Variants in GNA14 observed in about 807,000 individuals in gnomAD.
GNA14 encodes G protein subunit alpha 14.
In GNA14, 50 loss-of-function variants were observed where a neutral mutation model predicts 42.0. That is an observed-to-expected ratio of 1.19 (90% CI 0.95 to 1.51). The LOEUF (loss-of-function observed/expected upper bound fraction) is 1.51. GNA14 is among the 40% of genes most tolerant of loss of function. The pLI, the probability that GNA14 is intolerant of heterozygous loss-of-function variation, is 0.00. For missense variants in GNA14, 473 were observed against 446.2 expected (o/e 1.06, Z -0.54); for synonymous variants, 173 against 163.1 (o/e 1.06, Z -0.46).
At chr9:77,565,334 A>G (rs1376580566) in intron 1 of GNA14, among the ~76,000 whole-genome samples, 1 of 152,224 alleles carries the variant, frequency 6.6e-6, no homozygotes, top group East Asian at 1.9e-4. Context: ...ACTAGGGGGA[A>G]AATAATGTAA....
Position 77,647,735 on chromosome 9 carries a change from T to G in GNA14, c.59A>C (p.Glu20Ala). 6.2e-7 allele frequency: 1 copy of G among 1,609,890 alleles called. No homozygotes were observed. Among genetic ancestry groups the G allele is most frequent in the Non-Finnish European group, 8.5e-7 (1 of 1,178,564 alleles). ...GTCCCGACGAAGCTGTCGCTCGATC[T>G]CCGCGCTGATGCGCTGCGACTCCTT... ...EEKESQRISA[E>A]IERQLRRDKK... The change falls in exon 1 of 7, where the codon GAG (glutamate) becomes GCG (alanine). Residue 20 changes from glutamate (E) to alanine (A), a missense_variant. Transcript: ENST00000341700.
chr9:77,536,455 A>C (rs1837600233), intron 1 of GNA14, among the ~76,000 whole-genome samples: 16 of 152,140 alleles, frequency 1.1e-4, no homozygotes, highest in Admixed American at 1.0e-3. Context: ...GGTTCAAGCA[A>C]TTCTTCTGCC....
At chr9:77,472,260 T>C (rs1163015708) in intron 2 of GNA14, among the ~76,000 whole-genome samples, 1 of 152,198 alleles carries the variant, frequency 6.6e-6, no homozygotes, top group Non-Finnish European at 1.5e-5. Flanking sequence ...TGTTTTAACA[T>C]GTCATCAGGG....
At chr9:77,623,292 T>C (rs1823962303) in intron 1 of GNA14, among the ~76,000 whole-genome samples, 1 of 82,858 alleles carries the variant, frequency 1.2e-5, no homozygotes, top group South Asian at 4.2e-4. Flanking sequence ...TGGTAAAAAC[T>C]GGAATAAAAA....
chr9:77,622,349 C>T (rs746535785), intron 1 of GNA14, among the ~76,000 whole-genome samples: 23 of 152,046 alleles, frequency 1.5e-4, no homozygotes, highest in Non-Finnish European at 3.1e-4. Context: ...AAATATTGGT[C>T]GTGAGGCAGC....
chr9:77,501,942 C>A (rs78010932), intron 2 of GNA14, among the ~76,000 whole-genome samples: 11 of 151,834 alleles, frequency 7.2e-5, no homozygotes, highest in Non-Finnish European at 1.5e-4. Flanking sequence ...CTCTTGACTT[C>A]GTGATCCACC....
At chr9:77,473,597 A>G (rs998925099) in intron 2 of GNA14, among the ~76,000 whole-genome samples, 1 of 151,650 alleles carries the variant, frequency 6.6e-6, no homozygotes, top group Non-Finnish European at 1.5e-5. Context: ...AATCTCTATT[A>G]AAATTTCACC....
In GNA14 at chr9:77,466,975, A is replaced by G. The variant is rs77229040; in HGVS notation, c.310-32453T>C. Among the ~76,000 whole-genome samples the G allele has an allele frequency of 6.7e-3, 991 of 147,928 alleles. 13 individuals carry two copies. The highest frequency in any genetic ancestry group is 0.024 in the African/African-American group (934 of 39,478). On this transcript the variant is annotated intron_variant, in intron 2 of 6. Transcript: ENST00000341700. ...TGTGCTTAAGCCCTCTCAGCCAGTT[A>G]GGGTTTTTTTGCCTTTTACCACTCG...
intron 1 of GNA14, among the ~76,000 whole-genome samples, chr9:77,613,745 G>A (rs1412855471): frequency 6.6e-6 from 1 of 152,176 alleles, no homozygotes; most frequent in African/African-American, 2.4e-5. Context: ...TTATTCATGA[G>A]CTAATCTTGT....
chr9:77,506,626 G>A (rs549199402), intron 2 of GNA14, among the ~76,000 whole-genome samples: 3 of 152,078 alleles, frequency 2.0e-5, no homozygotes, highest in Non-Finnish European at 1.5e-5. Flanking sequence ...GCAGTGAGCC[G>A]AGATCAGGCC....
At chr9:77,548,930 C>A (rs753871991) in intron 1 of GNA14, among the ~76,000 whole-genome samples, 1 of 151,938 alleles carries the variant, frequency 6.6e-6, no homozygotes, top group South Asian at 2.1e-4. Flanking sequence ...AATGAGAAAG[C>A]CTTTCTTTTT....
At position 77,495,918 on chromosome 9, in the gene GNA14, C is replaced by T. The variant is rs190609210; in HGVS notation, c.309+33151G>A. The stretch of plus-strand genomic sequence containing the variant: ...AGTAAAATCATGTTCCTTAATTGGT[C>T]GGCTTTCTTCCCAGAGAGGATAATG... On this transcript the variant is annotated intron_variant, in intron 2 of 6. Transcript: ENST00000341700. Among the ~76,000 whole-genome samples the T allele has an allele frequency of 3.3e-5, 5 of 152,220 alleles. No individual in the cohort carries two copies. The East Asian group carries it at 5.8e-4, about 18-fold the overall frequency.
At chr9:77,630,148 C>T (rs1824075640) in intron 1 of GNA14, among the ~76,000 whole-genome samples, 1 of 150,850 alleles carries the variant, frequency 6.6e-6, no homozygotes, top group South Asian at 2.1e-4. Flanking sequence ...ACTCTGTCAC[C>T]TAGGTTGGAG....
At chr9:77,580,018 T>C (rs890365105) in intron 1 of GNA14, among the ~76,000 whole-genome samples, 1 of 152,234 alleles carries the variant, frequency 6.6e-6, no homozygotes, top group Non-Finnish European at 1.5e-5. Context: ...GGGTTGGAAA[T>C]ATTCCCGGCC....
chr9:77,595,696 A>G (rs576669832), intron 1 of GNA14, among the ~76,000 whole-genome samples: 2 of 152,260 alleles, frequency 1.3e-5, no homozygotes, highest in South Asian at 4.1e-4. Context: ...CCACGCTATC[A>G]CTTGACAGGC....
intron 2 of GNA14, among the ~76,000 whole-genome samples, chr9:77,460,858 CT>C (rs1279262959): frequency 6.6e-6 from 1 of 152,168 alleles, no homozygotes; most frequent in South Asian, 2.1e-4. Flanking sequence ...GTGTCGTTGA[CT>C]TTGTTTTTTT....
chr9:77,489,445 C>G (rs1027582487), intron 2 of GNA14, among the ~76,000 whole-genome samples: 2 of 152,086 alleles, frequency 1.3e-5, no homozygotes, highest in African/African-American at 4.8e-5. Context: ...CAGATTCAAC[C>G]CAAGTAAGAC....
At chr9:77,448,474 C>A (rs577276396) in intron 2 of GNA14, among the ~76,000 whole-genome samples, 1 of 152,158 alleles carries the variant, frequency 6.6e-6, no homozygotes, top group Non-Finnish European at 1.5e-5. Context: ...GTGTTCTGAG[C>A]GCATTTAGCA....
At chr9:77,549,473 G>A (rs760985185) in intron 1 of GNA14, among the ~76,000 whole-genome samples, 1 of 152,022 alleles carries the variant, frequency 6.6e-6, no homozygotes, top group Non-Finnish European at 1.5e-5. Flanking sequence ...CAAAATTCCC[G>A]CACTTGTCAC....
Sources: gnomAD v4.1 joint callset for allele counts (sites outside exome capture counted in the v4.1 genomes callset) on GRCh38, gnomAD v4.1.1 for gene constraint, MANE v1.5 for transcripts, NCBI Gene and HGNC (gene_info 2026-07-23, HGNC 2026-07-21) for gene names.